WWOX: variants seen among roughly 807,000 people sequenced by gnomAD.
WWOX encodes WW domain containing oxidoreductase.
Under a neutral mutation model 46.2 loss-of-function variants are expected in WWOX, and 69 were observed. That is an observed-to-expected ratio of 1.49 (90% CI 1.23 to 1.82). The LOEUF is 1.82. Among genes scored for constraint, WWOX ranks in the 40% most tolerant of loss-of-function variants. WWOX has a pLI of 0.00. For missense variants in WWOX, 919 were observed against 542.6 expected, an observed-to-expected ratio of 1.69 and a Z score of -6.89; for synonymous variants, 359 against 202.6, an observed-to-expected ratio of 1.77 and a Z score of -6.56.
At chr16:78,145,941 T>G (rs2034183787) in intron 4 of WWOX, 1 of 152,202 alleles carries the variant, frequency 6.6e-6, no homozygotes, top group East Asian at 1.9e-4. Flanking sequence ...ATCGTAAGAT[T>G]CCTGATCTGT....
intron 5 of WWOX, among the ~76,000 whole-genome samples, chr16:78,325,689 C>T (rs570254092): frequency 4.5e-4 from 68 of 152,194 alleles, no homozygotes; most frequent in Non-Finnish European, 8.8e-4. Context: ...GAGATTGCTG[C>T]AAGGGGCTTT....
chr16:78,326,729 A>C (rs1299097234), intron 5 of WWOX, among the ~76,000 whole-genome samples: 1 of 152,002 alleles, frequency 6.6e-6, no homozygotes, highest in Non-Finnish European at 1.5e-5. Flanking sequence ...CTTGCCTGCC[A>C]CTGACATGGA....
chr16:79,049,774 G>A (rs1027277513), intron 8 of WWOX, among the ~76,000 whole-genome samples: 1 of 150,420 alleles, frequency 6.6e-6, no homozygotes, highest in Non-Finnish European at 1.5e-5. Context: ...GGTGGAGGTT[G>A]CAGTGAGCTG....
intron 5 of WWOX, among the ~76,000 whole-genome samples, chr16:78,274,433 G>T (rs1183443619): frequency 2.0e-5 from 3 of 152,110 alleles, no homozygotes; most frequent in Non-Finnish European, 4.4e-5. Flanking sequence ...TAGAATTCCT[G>T]TTGGATATCC....
intron 8 of WWOX, among the ~76,000 whole-genome samples, chr16:78,671,614 A>C (rs1299733328): frequency 6.6e-6 from 1 of 152,106 alleles, no homozygotes; most frequent in Non-Finnish European, 1.5e-5. Flanking sequence ...TTACCTATAA[A>C]GTAGAGATTC....
chr16:78,746,234 A>C (rs1050411591), intron 8 of WWOX, among the ~76,000 whole-genome samples: 2 of 152,228 alleles, frequency 1.3e-5, no homozygotes, highest in African/African-American at 2.4e-5. Context: ...ATGGTGGCTC[A>C]CACCTGTAAT....
chr16:79,067,361 C>T (rs957986810), intron 8 of WWOX, among the ~76,000 whole-genome samples: 3 of 152,160 alleles, frequency 2.0e-5, no homozygotes, highest in Non-Finnish European at 4.4e-5. Context: ...TGTCTGCTCT[C>T]GCTCTCTCTC....
chr16:78,874,212 C>T lies in WWOX; in HGVS notation c.1057-337396C>T, dbSNP rs560384887. ...TGAAGGTTGCAGTGAGCTGAGATGG[C>T]GCCGCTGCACTCTAGCATGGGCGAC... On this transcript the variant is annotated intron_variant, in intron 8 of 8. Transcript: ENST00000566780. 2.3e-4 allele frequency among the ~76,000 whole-genome samples: 35 copies of T among 149,816 alleles called. No individual in the cohort carries two copies. In the South Asian group the frequency reaches 4.1e-3, roughly 17 times the overall value.
chr16:79,195,420 T>C (rs2051219925), intron 8 of WWOX, among the ~76,000 whole-genome samples: 1 of 152,056 alleles, frequency 6.6e-6, no homozygotes, highest in Admixed American at 6.5e-5. Context: ...CCTCCTGGAG[T>C]GCGTGTTGCT....
chr16:79,206,811 G>A (rs1195962194), intron 8 of WWOX: 1 of 151,838 alleles, frequency 6.6e-6, no homozygotes, highest in East Asian at 2.0e-4. Flanking sequence ...CCTAGCCAGG[G>A]AGGCCTATGA....
intron 8 of WWOX, among the ~76,000 whole-genome samples, chr16:79,065,401 A>C (rs1008751558): frequency 2.0e-5 from 3 of 152,206 alleles, no homozygotes; most frequent in East Asian, 3.9e-4. Flanking sequence ...GAGCTAGGGA[A>C]TGGAAAATGC....
In WWOX at chr16:78,487,141, A is replaced by G. The variant is rs181933324; in HGVS notation, c.1056+54389A>G. On this transcript the variant is annotated intron_variant, in intron 8 of 8. Transcript: ENST00000566780. ...GATTCTATAACAACAGCATGGTGACATCAGACTATGTTTTGCAATTTTCTT... is the reference window on the plus strand; with the variant it reads ...GATTCTATAACAACAGCATGGTGACGTCAGACTATGTTTTGCAATTTTCTT... Among the ~76,000 whole-genome samples the G allele has an allele frequency of 7.9e-4, 121 of 152,334 alleles. 1 individual carries two copies. The highest frequency in any genetic ancestry group is 1.4e-3 in the Non-Finnish European group (93 of 68,032).
rs537176975 is a variant in WWOX, at chr16:78,672,218, C to G, written c.1056+239466C>G. ...AAACCCAAAGGAAATTTTCAGGGAGCTTTAGAATTTTCCTTTTCCATGTTC... is the reference window on the plus strand; with the variant it reads ...AAACCCAAAGGAAATTTTCAGGGAGGTTTAGAATTTTCCTTTTCCATGTTC... On this transcript the variant is annotated intron_variant, in intron 8 of 8. Coordinates refer to ENST00000566780, the MANE Select transcript of WWOX (RefSeq NM_016373.4). Among the ~76,000 whole-genome samples the G allele has an allele frequency of 2.0e-5, 3 of 152,222 alleles. No individual in the cohort carries two copies. The South Asian group carries it at 6.2e-4, about 32-fold the overall frequency.
At chr16:78,686,646 G>T (rs112842129) in intron 8 of WWOX, among the ~76,000 whole-genome samples, 2 of 152,032 alleles carry the variant, frequency 1.3e-5, no homozygotes, top group African/African-American at 2.4e-5. Flanking sequence ...TTGTTTTTTC[G>T]GAAGTCCTCC....
chr16:79,211,610 AC>A lies in WWOX; in HGVS notation c.1060del (p.Gln354ArgfsTer51). The A allele has an allele frequency of 1.2e-6, 2 of 1,614,126 alleles. No homozygotes were observed. The highest frequency in any genetic ancestry group is 1.7e-6 in the Non-Finnish European group (2 of 1,180,030). ...TGTCTTTCTTCTTGGATTTCCAGCA[AC>A]AGGGAGCTGCCACCACCGTGTACTG... Reference protein sequence around the residue: ...LARPFTKSMQQGAATTVYCAA... With the variant: ...LARPFTKSMQXGAATTVYCAA... On this transcript the variant is annotated frameshift_variant, in exon 9 of 9. Coordinates refer to ENST00000566780, the MANE Select transcript of WWOX (RefSeq NM_016373.4). LOFTEE classifies it high-confidence loss of function.
At chr16:78,109,219 G>A (rs1277510119) in intron 2 of WWOX, among the ~76,000 whole-genome samples, 1 of 152,150 alleles carries the variant, frequency 6.6e-6, no homozygotes, top group African/African-American at 2.4e-5. Flanking sequence ...AGGCACGGTG[G>A]CTTGTGCTTG....
At chr16:78,391,901 T>A (rs1365637464) in intron 6 of WWOX, among the ~76,000 whole-genome samples, 3 of 151,942 alleles carry the variant, frequency 2.0e-5, no homozygotes, top group Non-Finnish European at 2.9e-5. Flanking sequence ...CTTTTGTGCC[T>A]CCTCTTTTCC....
At chr16:79,005,116 C>T (rs570405845) in intron 8 of WWOX, among the ~76,000 whole-genome samples, 1 of 152,158 alleles carries the variant, frequency 6.6e-6, no homozygotes, top group Non-Finnish European at 1.5e-5. Flanking sequence ...AAAGAGGAAA[C>T]TGAGTCTCCA....
intron 8 of WWOX, among the ~76,000 whole-genome samples, chr16:78,673,235 A>G (rs2047509395): frequency 6.6e-6 from 1 of 152,158 alleles, no homozygotes; most frequent in Non-Finnish European, 1.5e-5. Flanking sequence ...AGAGCATGTA[A>G]TTTCTTCTTG....
Sources: allele counts gnomAD v4.1 joint callset (sites outside exome capture counted in the v4.1 genomes callset), GRCh38; gene constraint gnomAD v4.1.1; transcripts MANE v1.5; gene names NCBI Gene and HGNC (gene_info 2026-07-23, HGNC 2026-07-21).